REPS1: variants seen among roughly 807,000 people sequenced by gnomAD.
REPS1 encodes the protein RALBP1 associated Eps domain containing 1.
REPS1 carries 39 observed loss-of-function variants against 100.9 expected under a neutral mutation model. The observed-to-expected ratio is 0.39, with a 90% confidence interval of 0.30 to 0.50. The LOEUF (loss-of-function observed/expected upper bound fraction) is 0.50. Among genes scored for constraint, REPS1 ranks in the 20% least tolerant of loss-of-function variants. The pLI is 0.86. For missense variants in REPS1, 821 were observed against 968.5 expected (o/e 0.85, Z 2.02); for synonymous variants, 324 against 340.3 (o/e 0.95, Z 0.53).
chr6:138,960,204 T>C (rs772042262), intron 1 of REPS1, among the ~76,000 whole-genome samples: 3 of 152,228 alleles, frequency 2.0e-5, no homozygotes, highest in East Asian at 1.9e-4. Context: ...AAAAATGCTT[T>C]AGAGCCAATG....
intron 4 of REPS1, among the ~76,000 whole-genome samples, chr6:138,944,838 A>G (rs976549697): frequency 6.6e-6 from 1 of 152,196 alleles, no homozygotes; most frequent in Non-Finnish European, 1.5e-5. Context: ...ATTCTGGGAA[A>G]TAATTATTCA....
chr6:138,916,056 A>C, intron 13 of REPS1, 80 bp from the exon 14 acceptor site: 1 of 985,846 alleles, frequency 1.0e-6, no homozygotes, highest in Non-Finnish European at 1.6e-6. Flanking sequence ...CACTTGGCTA[A>C]GCAGCAAAGG....
intron 13 of REPS1, chr6:138,916,218 CTTTTTTTTTTTTTT>C (rs10582137): frequency 2.4e-5 from 5 of 207,438 alleles, no homozygotes; most frequent in South Asian, 4.5e-5. Context: ...TTCTTTTTTT[CTTTTTTTTTTTTTT>C]TTTTTTTTGA....
intron 1 of REPS1, among the ~76,000 whole-genome samples, chr6:138,957,723 CG>C (rs1403247488): frequency 6.6e-6 from 1 of 152,108 alleles, no homozygotes; most frequent in Non-Finnish European, 1.5e-5. Context: ...AAGAACTCAA[CG>C]GCTATGAAGG....
At chr6:138,955,457 A>AAAGTGTGTGTGTGTGTGTGT (rs10689184) in intron 1 of REPS1, among the ~76,000 whole-genome samples, 12 of 90,730 alleles carry the variant, frequency 1.3e-4, no homozygotes, top group Admixed American at 5.7e-4. Flanking sequence ...AAAAAAAAAA[A>AAAGTGTGTGTGTGTGTGTGT]GTGTGTGTGT....
chr6:138,964,371 C>T lies in REPS1; in HGVS notation c.154-16458G>A, dbSNP rs111854249. 2.2e-3 allele frequency among the ~76,000 whole-genome samples: 335 copies of T among 152,036 alleles called. 1 individual carries two copies. Among genetic ancestry groups the T allele is most frequent in the African/African-American group, 7.3e-3 (304 of 41,474 alleles). ...AACTGTCTATATGTTATGATGTTGA[C>T]GTAATGATGTCCATTATTTTATAGA... is the stretch of plus-strand genomic sequence containing the variant. On this transcript the variant is annotated intron_variant, in intron 1 of 19. Coordinates refer to ENST00000450536, the MANE Select transcript of REPS1 (RefSeq NM_001286611.2).
At chr6:138,968,367 C>T (rs1340180013) in intron 1 of REPS1, among the ~76,000 whole-genome samples, 1 of 152,128 alleles carries the variant, frequency 6.6e-6, no homozygotes, top group Non-Finnish European at 1.5e-5. Context: ...TCAAAAATGA[C>T]CCTAAAAATT....
chr6:138,941,601 T>G, intron 7 of REPS1, 112 bp from the exon 8 acceptor site: 3 of 1,011,960 alleles, frequency 3.0e-6, no homozygotes, highest in Non-Finnish European at 4.4e-6. Context: ...ACTCAGTAAT[T>G]ATAAAAATCC....
intron 6 of REPS1, 136 bp from the exon 7 acceptor site, chr6:138,943,712 T>A (rs887968262): frequency 1.9e-6 from 2 of 1,027,560 alleles, no homozygotes; most frequent in African/African-American, 3.3e-5. Flanking sequence ...TGGCCCCCAG[T>A]GATTATAAAT....
chr6:138,972,978 G>C (rs1310725267), intron 1 of REPS1, among the ~76,000 whole-genome samples: 1 of 152,174 alleles, frequency 6.6e-6, no homozygotes, highest in Non-Finnish European at 1.5e-5. Flanking sequence ...CACCAACTAA[G>C]CAGTCTAATA....
intron 19 of REPS1, chr6:138,907,241 T>G (rs1358356048): frequency 3.5e-6 from 1 of 288,022 alleles, no homozygotes; most frequent in East Asian, 5.8e-5. Flanking sequence ...GAGGCTGAAG[T>G]GGGAGGATAG....
intron 18 of REPS1, among the ~76,000 whole-genome samples, chr6:138,908,441 T>G (rs1329968093): frequency 1.3e-5 from 2 of 152,072 alleles, no homozygotes; most frequent in Non-Finnish European, 2.9e-5. Flanking sequence ...ACTACAGGTG[T>G]GTACCACCAC....
At chr6:138,966,017 C>T (rs1562560228) in intron 1 of REPS1, among the ~76,000 whole-genome samples, 1 of 152,122 alleles carries the variant, frequency 6.6e-6, no homozygotes, top group South Asian at 2.1e-4. Context: ...GATTTCTATC[C>T]TATTTTACAG....
chr6:138,915,868 T>G lies in REPS1; in HGVS notation c.1710A>C (p.Thr570=). The G allele has an allele frequency of 6.2e-7, 1 of 1,607,158 alleles. No individual in the cohort carries two copies. Among genetic ancestry groups the G allele is most frequent in the South Asian group, 1.1e-5 (1 of 90,918 alleles). ...SSSLDMNRTF[T]VTTGQQQAGV... is the part of the protein sequence containing the mutation. ...TTCTCTAGCCCCTACCTGTGGTGAC[T>G]GTAAAGGTCCGATTCATATCTAAAG... is the stretch of plus-strand genomic sequence containing the variant. The change falls in exon 14 of 20, where the codon ACA becomes ACC. Residue 570 remains threonine (T), a synonymous_variant. Coordinates refer to ENST00000450536, the MANE Select transcript of REPS1 (RefSeq NM_001286611.2).
chr6:138,943,326 C>T (rs879213536), intron 7 of REPS1, among the ~76,000 whole-genome samples, 187 bp downstream of exon 7: 1 of 152,226 alleles, frequency 6.6e-6, no homozygotes, highest in South Asian at 2.1e-4. Flanking sequence ...CAAAGAACTA[C>T]TGTATCAGTA....
intron 1 of REPS1, among the ~76,000 whole-genome samples, chr6:138,981,919 A>ACAAG (rs1203664004): frequency 6.6e-6 from 1 of 152,222 alleles, no homozygotes; most frequent in Non-Finnish European, 1.5e-5. Flanking sequence ...AAACAAACAA[A>ACAAG]CAAACAAAAT....
chr6:138,934,709 G>A (rs893311892), intron 8 of REPS1, among the ~76,000 whole-genome samples: 1 of 152,122 alleles, frequency 6.6e-6, no homozygotes, highest in African/African-American at 2.4e-5. Context: ...TAATCTTACA[G>A]AAATATATAC....
intron 12 of REPS1, among the ~76,000 whole-genome samples, chr6:138,918,074 C>T (rs548708535): frequency 2.8e-4 from 41 of 148,448 alleles, no homozygotes; most frequent in South Asian, 2.6e-3. Flanking sequence ...AGTTTGCATG[C>T]GTGTGTGTGT....
intron 19 of REPS1, among the ~76,000 whole-genome samples, chr6:138,906,655 A>G (rs1038044336): frequency 6.6e-6 from 1 of 152,224 alleles, no homozygotes; most frequent in African/African-American, 2.4e-5. Context: ...AACTAACTGC[A>G]TTCATTTTTC....
Sources: gnomAD v4.1 joint callset for allele counts (sites outside exome capture counted in the v4.1 genomes callset) on GRCh38, gnomAD v4.1.1 for gene constraint, MANE v1.5 for transcripts, NCBI Gene and HGNC (gene_info 2026-07-23, HGNC 2026-07-21) for gene names.